The following ASIC2 variants were observed in gnomAD, a reference collection of about 807,000 sequenced individuals.
ASIC2 encodes acid-sensing ion channel 2.
In ASIC2, 25 loss-of-function variants were observed where a neutral mutation model predicts 57.3. That is an observed-to-expected ratio of 0.44 (90% CI 0.32 to 0.61). The LOEUF (loss-of-function observed/expected upper bound fraction) is 0.61. Among genes scored for constraint, ASIC2 ranks in the 20% least tolerant of loss-of-function variants. ASIC2 has a pLI of 0.06. For missense variants in ASIC2, 641 were observed against 738.1 expected, an observed-to-expected ratio of 0.87 and a Z score of 1.52; for synonymous variants, 319 against 307.5, an observed-to-expected ratio of 1.04 and a Z score of -0.39.
chr17:34,113,903 A>C (rs1374077196), intron 1 of ASIC2, among the ~76,000 whole-genome samples: 1 of 152,174 alleles, frequency 6.6e-6, no homozygotes, highest in Non-Finnish European at 1.5e-5. Context: ...GAATAAAATG[A>C]GCTTGCTGAT....
chr17:33,491,301 T>C (rs1913749878), intron 1 of ASIC2, among the ~76,000 whole-genome samples: 1 of 152,124 alleles, frequency 6.6e-6, no homozygotes, highest in Non-Finnish European at 1.5e-5. Context: ...TCCCCTCGGC[T>C]CTAACATGAT....
At chr17:33,732,775 C>G (rs771097744) in intron 1 of ASIC2, among the ~76,000 whole-genome samples, 16 of 152,086 alleles carry the variant, frequency 1.1e-4, no homozygotes, top group Non-Finnish European at 2.1e-4. Context: ...GTAGCTGGGA[C>G]TACAGGTGTG....
intron 1 of ASIC2, among the ~76,000 whole-genome samples, chr17:33,199,298 C>T (rs1906760231): frequency 6.6e-6 from 1 of 152,208 alleles, no homozygotes; most frequent in African/African-American, 2.4e-5. Context: ...AAGGAAAGGA[C>T]AACTGTGTCT....
Position 33,058,481 on chromosome 17 carries a change from A to AAAC in ASIC2, c.988-30090_988-30089insGTT, listed in dbSNP as rs1567729600. Among the ~76,000 whole-genome samples the AAAC allele has an allele frequency of 2.4e-4, 36 of 151,774 alleles. 1 individual carries two copies. Among genetic ancestry groups the AAAC allele is most frequent in the African/African-American group, 8.7e-4 (36 of 41,456 alleles). ...CCCTTCTGAGAAGTCAAAAAAAAAAAAAAAAAAAAACAAAACCCAAAACAA... is the reference window on the plus strand; with the variant it reads ...CCCTTCTGAGAAGTCAAAAAAAAAAAAACAAAAAAAAAACAAAACCCAAAACAA... On this transcript the variant is annotated intron_variant, in intron 3 of 9. Transcript: ENST00000225823.
At chr17:33,923,956 C>T (rs533613210) in intron 1 of ASIC2, among the ~76,000 whole-genome samples, 2 of 152,326 alleles carry the variant, frequency 1.3e-5, no homozygotes, top group African/African-American at 4.8e-5. Context: ...CCCGGACTCA[C>T]AGGCAGAATG....
intron 1 of ASIC2, among the ~76,000 whole-genome samples, chr17:34,043,996 C>T (rs1001836987): frequency 1.3e-5 from 2 of 152,186 alleles, no homozygotes; most frequent in Non-Finnish European, 2.9e-5. Context: ...ATTCCAAAGG[C>T]ATGCATACCC....
At chr17:34,100,791 C>A (rs1279271515) in intron 1 of ASIC2, among the ~76,000 whole-genome samples, 1 of 152,158 alleles carries the variant, frequency 6.6e-6, no homozygotes, top group African/African-American at 2.4e-5. Context: ...CCAGGTATCT[C>A]AATATCACCT....
intron 1 of ASIC2, among the ~76,000 whole-genome samples, chr17:33,399,832 G>A (rs545569134): frequency 1.6e-4 from 25 of 152,274 alleles, no homozygotes; most frequent in East Asian, 7.7e-4. Context: ...GGACCACACC[G>A]TCTCTGGGTT....
intron 1 of ASIC2, among the ~76,000 whole-genome samples, chr17:33,957,951 G>A (rs539830370): frequency 3.3e-5 from 5 of 152,214 alleles, no homozygotes; most frequent in Non-Finnish European, 7.3e-5. Context: ...AAGGCATTGG[G>A]TAAATACACT....
intron 1 of ASIC2, among the ~76,000 whole-genome samples, chr17:34,059,114 C>T (rs941025253): frequency 7.2e-5 from 11 of 152,180 alleles, no homozygotes; most frequent in African/African-American, 2.7e-4. Flanking sequence ...CAAGAGGACC[C>T]ACAGACCCTC....
At chr17:33,803,558 C>T (rs1215217059) in intron 1 of ASIC2, among the ~76,000 whole-genome samples, 1 of 150,562 alleles carries the variant, frequency 6.6e-6, no homozygotes, top group Non-Finnish European at 1.5e-5. Flanking sequence ...AATGAAAGCC[C>T]TGGTTAAGAC....
chr17:34,128,674 T>C (rs1911860382), intron 1 of ASIC2, among the ~76,000 whole-genome samples: 1 of 152,202 alleles, frequency 6.6e-6, no homozygotes, highest in Admixed American at 6.5e-5. Context: ...TGTTACTGCC[T>C]CCAGCACTCT....
At chr17:33,051,257 A>C (rs2091974543) in intron 3 of ASIC2, among the ~76,000 whole-genome samples, 1 of 152,160 alleles carries the variant, frequency 6.6e-6, no homozygotes, top group Non-Finnish European at 1.5e-5. Flanking sequence ...ATTTTCTAGA[A>C]ATAATTTAGC....
At chr17:33,138,960 T>A (rs2092377064) in intron 1 of ASIC2, among the ~76,000 whole-genome samples, 1 of 152,168 alleles carries the variant, frequency 6.6e-6, no homozygotes, top group African/African-American at 2.4e-5. Context: ...AGCCTGGGGA[T>A]CAGAAGTCCT....
intron 1 of ASIC2, among the ~76,000 whole-genome samples, chr17:33,322,870 T>C (rs1006276705): frequency 3.3e-5 from 5 of 152,042 alleles, no homozygotes; most frequent in African/African-American, 1.2e-4. Context: ...GAGCAAAGAT[T>C]AGTGGGAAAA....
chr17:33,342,489 A>G (rs975988766), intron 1 of ASIC2, among the ~76,000 whole-genome samples: 1 of 152,016 alleles, frequency 6.6e-6, no homozygotes, highest in Non-Finnish European at 1.5e-5. Flanking sequence ...GATTATGTGC[A>G]TGTGTGTTTT....
At chr17:33,663,071 G>A (rs753137310) in intron 1 of ASIC2, among the ~76,000 whole-genome samples, 6 of 152,134 alleles carry the variant, frequency 3.9e-5, no homozygotes, top group East Asian at 1.9e-4. Flanking sequence ...ACACACTGAC[G>A]GAGAACTCAA....
intron 3 of ASIC2, among the ~76,000 whole-genome samples, chr17:33,068,227 T>TC (rs1248625375): frequency 6.6e-6 from 1 of 151,944 alleles, no homozygotes; most frequent in African/African-American, 2.4e-5. Flanking sequence ...AAGTCTCACT[T>TC]CCCCAAAGAC....
At chr17:33,363,873 A>C (rs1597700135) in intron 1 of ASIC2, among the ~76,000 whole-genome samples, 1 of 151,650 alleles carries the variant, frequency 6.6e-6, no homozygotes, top group East Asian at 1.9e-4. Context: ...CCCTCCTCTC[A>C]CCCTTTCCTG....
Sources: gnomAD v4.1 joint callset for allele counts (sites outside exome capture counted in the v4.1 genomes callset) on GRCh38, gnomAD v4.1.1 for gene constraint, MANE v1.5 for transcripts, NCBI Gene and HGNC (gene_info 2026-07-23, HGNC 2026-07-21) for gene names.